Variants in MYT1L observed in about 807,000 individuals in gnomAD.
MYT1L encodes myelin transcription factor 1-like protein.
Under a neutral mutation model 126.7 loss-of-function variants are expected in MYT1L, and 12 were observed. The observed-to-expected ratio is 0.09, with a 90% CI of 0.06 to 0.15. The LOEUF (loss-of-function observed/expected upper bound fraction) is 0.15, where lower values mean the gene tolerates loss of function less well. Ranked by LOEUF, MYT1L falls within the 10% of genes least tolerant of loss-of-function variation. The pLI, the probability that MYT1L is intolerant of heterozygous loss-of-function variation, is 1.00. For synonymous variants in MYT1L, 541 were observed against 604.2 expected (o/e 0.90, Z 1.53); for missense variants, 979 against 1,585.2 (o/e 0.62, Z 6.49).
chr2:2,089,098 AG>A (rs2076644749), intron 3 of MYT1L, among the ~76,000 whole-genome samples: 1 of 152,272 alleles, frequency 6.6e-6, no homozygotes, highest in African/African-American at 2.4e-5. Flanking sequence ...TTCACAAAAA[AG>A]AAAGGAGCCC....
intron 3 of MYT1L, among the ~76,000 whole-genome samples, chr2:2,147,987 A>G (rs2085143964): frequency 6.6e-6 from 1 of 152,224 alleles, no homozygotes; most frequent in Non-Finnish European, 1.5e-5. Context: ...CTGTAGTTCT[A>G]GGAGCCAGAT....
At chr2:2,146,534 G>A (rs1302042847) in intron 3 of MYT1L, among the ~76,000 whole-genome samples, 3 of 152,186 alleles carry the variant, frequency 2.0e-5, no homozygotes, top group Admixed American at 6.5e-5. Flanking sequence ...CCCACCCCTG[G>A]AGACAGATAC....
At chr2:2,296,266 A>T (rs1356758564) in intron 1 of MYT1L, among the ~76,000 whole-genome samples, 1 of 151,912 alleles carries the variant, frequency 6.6e-6, no homozygotes, top group Non-Finnish European at 1.5e-5. Flanking sequence ...GTGCCTTTTA[A>T]AACAAGTGGA....
At chr2:2,158,651 G>GTGCA (rs1559176234) in intron 3 of MYT1L, among the ~76,000 whole-genome samples, 1 of 139,132 alleles carries the variant, frequency 7.2e-6, no homozygotes, top group Non-Finnish European at 1.6e-5. Context: ...ACACACACGC[G>GTGCA]TAGGTGGACA....
chr2:1,882,456 A>T (rs1210803198), intron 18 of MYT1L, among the ~76,000 whole-genome samples: 2 of 152,188 alleles, frequency 1.3e-5, no homozygotes, highest in African/African-American at 2.4e-5. Context: ...GAGATCACAC[A>T]TTAGCTCTCC....
Position 1,791,657 on chromosome 2 carries a change from C to T in MYT1L, c.*210G>A. 1.9e-6 allele frequency: 1 copy of T among 520,014 alleles called. No individual in the cohort carries two copies. Among genetic ancestry groups the T allele is most frequent in the Non-Finnish European group, 3.3e-6 (1 of 300,564 alleles). 32.2% of individuals were successfully genotyped at this position (520,014 alleles called of 1,614,324 possible). On this transcript the variant is annotated 3_prime_UTR_variant, in exon 25 of 25. Transcript: ENST00000647738. This position sits in a 1 kb window ranked among gnomAD's most constrained non-coding sequence, Gnocchi z 6.0. ...CATGGCAGAACACTATGTCAGCTTACATGGAAACGTACAAAATGTGGGTGT... is the reference window on the plus strand; with the variant it reads ...CATGGCAGAACACTATGTCAGCTTATATGGAAACGTACAAAATGTGGGTGT...
rs73913288 is a variant in MYT1L, at chr2:2,256,794, C to G, written c.-421+27610G>C. Reference sequence around the variant, plus strand: ...ATAAGAAGCAAAGGCATAGCAGTCACTATGTCAGCAGTGACAAATGGGCTG... The same window carrying G: ...ATAAGAAGCAAAGGCATAGCAGTCAGTATGTCAGCAGTGACAAATGGGCTG... On this transcript the variant is annotated intron_variant, in intron 2 of 24. Transcript: ENST00000647738. 6.5e-3 allele frequency among the ~76,000 whole-genome samples: 994 copies of G among 152,280 alleles called. 9 individuals carry two copies. The highest frequency in any genetic ancestry group is 0.022 in the African/African-American group (912 of 41,552).
chr2:2,022,770 T>C (rs1342981064), intron 4 of MYT1L, among the ~76,000 whole-genome samples: 6 of 152,112 alleles, frequency 3.9e-5, no homozygotes, highest in Non-Finnish European at 2.9e-5. Context: ...CGTATTTATC[T>C]TTCCAAAAAC....
At chr2:1,970,928 A>G (rs1386702737) in intron 8 of MYT1L, among the ~76,000 whole-genome samples, 1 of 152,232 alleles carries the variant, frequency 6.6e-6, no homozygotes, top group African/African-American at 2.4e-5. Context: ...CAGGTCATAT[A>G]CATTACAGAC....
chr2:2,013,340 G>C (rs535787913), intron 4 of MYT1L, among the ~76,000 whole-genome samples: 52 of 152,226 alleles, frequency 3.4e-4, no homozygotes, highest in African/African-American at 1.2e-3. Context: ...TTCAGCTCCA[G>C]GCCAAGATCC....
At chr2:2,265,322 T>TC (rs1316642955) in intron 2 of MYT1L, among the ~76,000 whole-genome samples, 1 of 152,140 alleles carries the variant, frequency 6.6e-6, no homozygotes, top group Non-Finnish European at 1.5e-5. Flanking sequence ...CTTTTTTTTT[T>TC]TCCTTTTTTT....
At chr2:1,840,617 G>A (rs951077038) in intron 20 of MYT1L, 143 bp downstream of exon 20, 17 of 659,086 alleles carry the variant, frequency 2.6e-5, no homozygotes, top group Non-Finnish European at 3.9e-5. Context: ...TAAGTTATCT[G>A]ACCTTGCATT....
At chr2:2,117,459 C>T (rs746520401) in intron 3 of MYT1L, among the ~76,000 whole-genome samples, 34 of 152,038 alleles carry the variant, frequency 2.2e-4, no homozygotes, top group Admixed American at 3.9e-4. Context: ...GATCAGCAGG[C>T]GGACCGCCGT....
chr2:2,016,166 G>A (rs1365880374), intron 4 of MYT1L, among the ~76,000 whole-genome samples: 1 of 152,214 alleles, frequency 6.6e-6, no homozygotes, highest in African/African-American at 2.4e-5. Context: ...AGGGGACAAC[G>A]CTGTGGTGAA....
intron 3 of MYT1L, among the ~76,000 whole-genome samples, chr2:2,087,166 C>A (rs1483972228): frequency 6.6e-6 from 1 of 152,186 alleles, no homozygotes. Flanking sequence ...CCTTCAGTTT[C>A]TCTTTCAGTC....
intron 8 of MYT1L, among the ~76,000 whole-genome samples, chr2:1,968,415 T>C (rs948450273): frequency 4.6e-5 from 7 of 152,132 alleles, no homozygotes; most frequent in Admixed American, 3.3e-4. Flanking sequence ...ATGTTCATTT[T>C]CCCCCTCCTC....
At chr2:2,180,767 C>A (rs1415767215) in intron 2 of MYT1L, among the ~76,000 whole-genome samples, 1 of 136,020 alleles carries the variant, frequency 7.4e-6, no homozygotes, top group Non-Finnish European at 1.6e-5. Flanking sequence ...TGTACCTGTA[C>A]CTGTATTTGT....
intron 3 of MYT1L, among the ~76,000 whole-genome samples, chr2:2,129,797 T>C (rs2082138611): frequency 6.6e-6 from 1 of 151,356 alleles, no homozygotes; most frequent in Non-Finnish European, 1.5e-5. Context: ...TCCCAGCTAC[T>C]CGGGAGGCTG....
At chr2:2,024,486 A>G (rs1372582322) in intron 4 of MYT1L, among the ~76,000 whole-genome samples, 8 of 152,050 alleles carry the variant, frequency 5.3e-5, no homozygotes, top group Admixed American at 5.2e-4. Context: ...TGCTCTTTCT[A>G]TTCCTTCCTC....
Sources: allele counts gnomAD v4.1 joint callset (sites outside exome capture counted in the v4.1 genomes callset), GRCh38; gene constraint gnomAD v4.1.1; non-coding constraint Gnocchi (gnomAD v3.1); transcripts MANE v1.5; gene names NCBI Gene and HGNC (gene_info 2026-07-23, HGNC 2026-07-21).